COX4I2: variants seen among roughly 807,000 people sequenced by gnomAD.
COX4I2 encodes cytochrome c oxidase subunit 4I2.
In COX4I2, 15 loss-of-function variants were observed where a neutral mutation model predicts 20.8. That is an observed-to-expected ratio of 0.72 (90% confidence interval 0.48 to 1.11). The LOEUF (loss-of-function observed/expected upper bound fraction) is 1.11, where lower values mean the gene tolerates loss of function less well. Ranked by LOEUF, COX4I2 falls within the 50% of genes most tolerant of loss-of-function variation. The pLI is 0.00. For missense variants in COX4I2, 224 were observed against 223.0 expected (o/e 1.00, Z -0.03); for synonymous variants, 80 against 78.1 (o/e 1.02, Z -0.13).
At position 31,644,997 on chromosome 20, in the gene COX4I2, CA is replaced by C; in HGVS notation, c.*102del. ...CCTGCCCTTAACCCCAGTAAAGCTC[CA>C]AAAAAAAATTTATTCTCTTCTGCCT... On this transcript the variant is annotated 3_prime_UTR_variant, in exon 5 of 5. Transcript: ENST00000376075. 2.1e-4 allele frequency: 296 copies of C among 1,436,498 alleles called. No individual in the cohort carries two copies. The highest frequency in any genetic ancestry group is 2.3e-4 in the Non-Finnish European group (245 of 1,054,122). 89.0% of individuals were successfully genotyped at this position (1,436,498 alleles called of 1,614,324 possible).
intron 3 of COX4I2, among the ~76,000 whole-genome samples, chr20:31,640,994 C>T (rs951411702): frequency 1.2e-4 from 18 of 145,582 alleles, no homozygotes; most frequent in Non-Finnish European, 2.1e-4. Context: ...CACACACACA[C>T]ATCTTGGTTT....
chr20:31,643,687 C>G (rs1479380928), intron 4 of COX4I2, 152 bp downstream of exon 4: 1 of 901,806 alleles, frequency 1.1e-6, no homozygotes, highest in Non-Finnish European at 1.8e-6. Context: ...GCATGGCTGT[C>G]TAGGTTTGAA....
chr20:31,638,396 C>T (rs2060447980), intron 1 of COX4I2, among the ~76,000 whole-genome samples: 2 of 151,710 alleles, frequency 1.3e-5, no homozygotes, highest in African/African-American at 4.8e-5. Context: ...TCTAAAGCCC[C>T]TCCCCACCAC....
At chr20:31,640,638 G>A (rs141670980) in intron 3 of COX4I2, among the ~76,000 whole-genome samples, 2 of 152,216 alleles carry the variant, frequency 1.3e-5, no homozygotes, top group African/African-American at 4.8e-5. Flanking sequence ...CTGACCCTGG[G>A]AGGCTGGAGG....
intron 1 of COX4I2, among the ~76,000 whole-genome samples, chr20:31,638,421 C>T (rs2060448082): frequency 1.3e-5 from 2 of 151,476 alleles, no homozygotes; most frequent in South Asian, 2.1e-4. Context: ...GATGCCAAAC[C>T]CTGAGTCTTC....
intron 3 of COX4I2, among the ~76,000 whole-genome samples, chr20:31,642,078 C>T (rs2060471245): frequency 6.6e-6 from 1 of 152,278 alleles, no homozygotes; most frequent in East Asian, 1.9e-4. Context: ...GTCTTGAACT[C>T]CTGGGCTCAA....
intron 3 of COX4I2, among the ~76,000 whole-genome samples, chr20:31,641,866 AT>A (rs112080894): frequency 0.3 from 44,207 of 145,730 alleles, 8,769 homozygotes; most frequent in African/African-American, 0.57. Context: ...ACACCTGGCT[AT>A]TTTTTTTTTT....
At chr20:31,641,869 T>TTTTTTTTGTA (rs1246009390) in intron 3 of COX4I2, among the ~76,000 whole-genome samples, 1 of 151,150 alleles carries the variant, frequency 6.6e-6, no homozygotes, top group African/African-American at 2.4e-5. Flanking sequence ...CCTGGCTATT[T>TTTTTTTTGTA]TTTTTTTTGT....
intron 3 of COX4I2, among the ~76,000 whole-genome samples, chr20:31,640,337 A>C (rs1357196623): frequency 6.6e-6 from 1 of 152,154 alleles, no homozygotes; most frequent in Non-Finnish European, 1.5e-5. Context: ...TCCTGCCCCC[A>C]TGGTGCCCCC....
Position 31,640,022 on chromosome 20 carries a change from A to G in COX4I2, c.172A>G (p.Asn58Asp). Reference sequence around the variant, plus strand: ...AGAAGAGCCCTTCTGCACAGAACTCAACGCTGAGGAGCAGGCCCTGAAGGA... The same window carrying G: ...AGAAGAGCCCTTCTGCACAGAACTCGACGCTGAGGAGCAGGCCCTGAAGGA... Reference protein sequence around the residue: ...MPEEPFCTELNAEEQALKEKE... With the variant: ...MPEEPFCTELDAEEQALKEKE... Residue 58 changes from asparagine to aspartate, a missense_variant, in exon 3 of 5, where the codon AAC (asparagine) becomes GAC (aspartate). By Grantham distance (23) the Asn-to-Asp change is conservative (BLOSUM62 1). Transcript: ENST00000376075. 3 of 1,614,010 alleles carry G rather than the reference A, an allele frequency of 1.9e-6. No individual in the cohort carries two copies. The highest frequency in any genetic ancestry group is 1.6e-4 in the Middle Eastern group (1 of 6,062).
At chr20:31,639,877 A>C in intron 2 of COX4I2, 56 bp from the exon 3 acceptor site, 74 of 1,583,076 alleles carry the variant, frequency 4.7e-5, no homozygotes, top group Non-Finnish European at 6.1e-5. Context: ...TAATATAGTT[A>C]GAGATAGGGT....
At chr20:31,639,857 C>T in intron 2 of COX4I2, 76 bp from the exon 3 acceptor site, 1 of 1,560,154 alleles carries the variant, frequency 6.4e-7, no homozygotes, top group Non-Finnish European at 8.8e-7. Context: ...AGCCCGGCCA[C>T]CTTCTTTATT....
intron 4 of COX4I2, among the ~76,000 whole-genome samples, chr20:31,643,993 TAG>T (rs2060482467): frequency 6.6e-6 from 1 of 152,192 alleles, no homozygotes; most frequent in Non-Finnish European, 1.5e-5. Context: ...GTATTTTTAG[TAG>T]AGACAGGGTT....
Position 31,644,853 on chromosome 20 carries a change from G to T in COX4I2, c.465G>T (p.Val155=), listed in dbSNP as rs2060487546. ...QRMLDMKVNP[V]QGLASRWDYE... is the part of the protein sequence containing the mutation. ...TGCTGGACATGAAGGTGAATCCTGT[G>T]CAGGGCCTGGCCTCCCGCTGGGACT... The change falls in exon 5 of 5, where the codon GTG becomes GTT. Residue 155 remains valine, a synonymous_variant. Transcript: ENST00000376075. 1 of 1,614,000 alleles carries T rather than the reference G, an allele frequency of 6.2e-7. No homozygotes were observed. The highest frequency in any genetic ancestry group is 1.7e-5 in the Admixed American group (1 of 59,980).
At chr20:31,639,242 G>T in intron 2 of COX4I2, 143 bp downstream of exon 2, 1 of 1,523,924 alleles carries the variant, frequency 6.6e-7, no homozygotes, top group Non-Finnish European at 8.8e-7. Context: ...CCACTCCTTG[G>T]TCCAAGGTCA....
At chr20:31,639,282 T>C in intron 2 of COX4I2, 183 bp downstream of exon 2, 6 of 985,206 alleles carry the variant, frequency 6.1e-6, no homozygotes, top group Non-Finnish European at 7.2e-6. Flanking sequence ...GTGCGCGGGG[T>C]GAGCAGACAG....
Position 31,644,951 on chromosome 20 carries a change from C to T in COX4I2, c.*47C>T, listed in dbSNP as rs35514209. ...CTGAGGCTCCGCCCTGGCTGGGAGC[C>T]TCTGGCGGCCCCTCCCCTCCCCTGC... is the stretch of plus-strand genomic sequence containing the variant. On this transcript the variant is annotated 3_prime_UTR_variant, in exon 5 of 5. Coordinates refer to ENST00000376075, the MANE Select transcript of COX4I2 (RefSeq NM_032609.3). 1.9e-6 allele frequency: 3 copies of T among 1,602,118 alleles called. No homozygotes were observed.
Position 31,640,032 on chromosome 20 carries a change from AG to A in COX4I2, c.183del (p.Glu61AspfsTer4). On this transcript the variant is annotated frameshift_variant, in exon 3 of 5. Coordinates refer to ENST00000376075, the MANE Select transcript of COX4I2 (RefSeq NM_032609.3). LOFTEE classifies it high-confidence loss of function. ...EPFCTELNAE[E>X]QALKEKEKGS... ...TTCTGCACAGAACTCAACGCTGAGG[AG>A]CAGGCCCTGAAGGAGAAGGAGAAGG... 1 of 1,613,974 alleles carries A rather than the reference AG, an allele frequency of 6.2e-7. No homozygotes were observed. The highest frequency in any genetic ancestry group is 1.1e-5 in the South Asian group (1 of 91,088).
At chr20:31,638,981 G>A in intron 1 of COX4I2, 37 bp from the exon 2 acceptor site, 1 of 1,580,056 alleles carries the variant, frequency 6.3e-7, no homozygotes, top group East Asian at 2.3e-5. Flanking sequence ...AGAGGGTGAT[G>A]TGGGGGCAGA....
Sources: gnomAD v4.1 joint callset for allele counts (sites outside exome capture counted in the v4.1 genomes callset) on GRCh38, gnomAD v4.1.1 for gene constraint, MANE v1.5 for transcripts, NCBI Gene and HGNC (gene_info 2026-07-23, HGNC 2026-07-21) for gene names.